LRP12: variants seen among roughly 807,000 people sequenced by gnomAD.
LRP12 encodes LDL receptor related protein 12.
LRP12 carries 14 observed loss-of-function variants against 66.0 expected under a neutral mutation model. That is an observed-to-expected ratio of 0.21 (90% CI 0.14 to 0.33). The LOEUF (loss-of-function observed/expected upper bound fraction) is 0.33. Among genes scored for constraint, LRP12 ranks in the 10% least tolerant of loss-of-function variants. The pLI is 1.00. For synonymous variants in LRP12, 357 were observed against 359.1 expected (o/e 0.99, Z 0.07); for missense variants, 889 against 1,053.4 (o/e 0.84, Z 2.16).
intron 1 of LRP12, among the ~76,000 whole-genome samples, chr8:104,545,761 C>T (rs1396147885): frequency 3.3e-5 from 5 of 152,068 alleles, no homozygotes; most frequent in Admixed American, 6.6e-5. Context: ...AAAAAATACA[C>T]GTGACTCACT....
Position 104,490,076 on chromosome 8 carries a change from C to T in LRP12, c.*597G>A, listed in dbSNP as rs1309858741. On this transcript the variant is annotated 3_prime_UTR_variant, in exon 7 of 7. Transcript: ENST00000276654. ...AGTTTTGTTTTTGCCAGTAATTTATCGAACTCTGCCTAAATTTCACATGAT... is the reference window on the plus strand; with the variant it reads ...AGTTTTGTTTTTGCCAGTAATTTATTGAACTCTGCCTAAATTTCACATGAT... 6.6e-6 allele frequency: 1 copy of T among 152,496 alleles called. No individual in the cohort carries two copies. Among genetic ancestry groups the T allele is most frequent in the Non-Finnish European group, 1.5e-5 (1 of 68,032 alleles). The allele number at this position is 152,496 out of a possible 1,614,324, so 9.4% of individuals were successfully genotyped here. A position where few individuals can be genotyped will look rare whatever the true frequency, so the allele number is the denominator to read the frequency against.
intron 2 of LRP12, among the ~76,000 whole-genome samples, chr8:104,520,146 C>G (rs868419326): frequency 7.2e-5 from 11 of 151,896 alleles, no homozygotes; most frequent in Non-Finnish European, 1.3e-4. Context: ...AACTAACTAG[C>G]CAGCTTCACC....
At chr8:104,558,696 C>T (rs1476435783) in intron 1 of LRP12, among the ~76,000 whole-genome samples, 1 of 151,886 alleles carries the variant, frequency 6.6e-6, no homozygotes, top group East Asian at 1.9e-4. Flanking sequence ...AAAATCTTCC[C>T]TAACTATGCA....
intron 1 of LRP12, among the ~76,000 whole-genome samples, chr8:104,577,711 G>A (rs1564149364): frequency 6.6e-6 from 1 of 151,452 alleles, no homozygotes; most frequent in African/African-American, 2.4e-5. Context: ...CTCGGGAGGG[G>A]GAGGCAGGGG....
chr8:104,521,502 T>C (rs1811151304), intron 2 of LRP12, among the ~76,000 whole-genome samples: 1 of 151,440 alleles, frequency 6.6e-6, no homozygotes, highest in South Asian at 2.1e-4. Context: ...TTAGTTTCAT[T>C]TCCAAAACTT....
At chr8:104,530,939 G>A (rs754219012) in intron 2 of LRP12, among the ~76,000 whole-genome samples, 5 of 152,046 alleles carry the variant, frequency 3.3e-5, no homozygotes, top group Non-Finnish European at 7.4e-5. Context: ...AGGCACTGAA[G>A]CACTTGCTTT....
intron 2 of LRP12, among the ~76,000 whole-genome samples, chr8:104,529,646 TAATCTGCATAACTCAGCA>T (rs61045786): frequency 9.2e-5 from 14 of 152,350 alleles, no homozygotes; most frequent in Non-Finnish European, 1.8e-4. Flanking sequence ...TACTCTGTAA[TAATCTGCATAACTCAGCA>T]AATCTGCATT....
chr8:104,536,913 A>T (rs1302690995), intron 1 of LRP12, among the ~76,000 whole-genome samples: 1 of 152,088 alleles, frequency 6.6e-6, no homozygotes, highest in African/African-American at 2.4e-5. Flanking sequence ...TATAAACAAT[A>T]GCCAGTTGGA....
chr8:104,519,220 C>T (rs1427542928), intron 2 of LRP12, among the ~76,000 whole-genome samples: 1 of 152,012 alleles, frequency 6.6e-6, no homozygotes, highest in African/African-American at 2.4e-5. Context: ...TCCTTGGCAC[C>T]TGAGCCAAGC....
intron 1 of LRP12, among the ~76,000 whole-genome samples, chr8:104,548,288 CATATATTTATATA>C (rs1811648544): frequency 1.6e-5 from 1 of 63,666 alleles, no homozygotes; most frequent in Non-Finnish European, 2.4e-5. Flanking sequence ...ATTAATATAT[CATATATTTATATA>C]ATATATATTA....
intron 6 of LRP12, 152 bp downstream of exon 6, chr8:104,494,925 A>G (rs529762952): frequency 1.3e-4 from 77 of 609,196 alleles, no homozygotes; most frequent in African/African-American, 1.2e-3. Flanking sequence ...GTAGTGTTAA[A>G]CTATAATGAA....
intron 1 of LRP12, among the ~76,000 whole-genome samples, chr8:104,541,353 T>C (rs780610343): frequency 2.0e-4 from 31 of 152,102 alleles, no homozygotes; most frequent in Non-Finnish European, 3.7e-4. Context: ...GCTCACAACA[T>C]AAACTGGAAA....
intron 1 of LRP12, among the ~76,000 whole-genome samples, chr8:104,545,309 T>C (rs956918846): frequency 8.5e-5 from 13 of 152,188 alleles, no homozygotes; most frequent in Admixed American, 3.9e-4. Flanking sequence ...GCTGTCAACA[T>C]TGTTGGAATG....
At position 104,510,961 on chromosome 8, in the gene LRP12, T is replaced by C. The variant is rs192479377; in HGVS notation, c.137-1887A>G. On this transcript the variant is annotated intron_variant, in intron 2 of 6. Coordinates refer to ENST00000276654, the MANE Select transcript of LRP12 (RefSeq NM_013437.5). ...CTCCCATGCTTTTTAAGTTCTGCTG[T>C]AGTTTAAAAATCAGGTAACCCAAGA... 2.2e-3 allele frequency among the ~76,000 whole-genome samples: 335 copies of C among 151,764 alleles called. 1 individual carries two copies. Among genetic ancestry groups the C allele is most frequent in the Non-Finnish European group, 4.0e-3 (272 of 67,960 alleles).
chr8:104,554,180 C>T (rs2140882686), intron 1 of LRP12, among the ~76,000 whole-genome samples: 1 of 152,124 alleles, frequency 6.6e-6, no homozygotes, highest in East Asian at 1.9e-4. Context: ...TAGAAAGAAC[C>T]AGAAAAAAAA....
chr8:104,558,048 A>G (rs574245084), intron 1 of LRP12, among the ~76,000 whole-genome samples: 1 of 152,226 alleles, frequency 6.6e-6, no homozygotes, highest in South Asian at 2.1e-4. Flanking sequence ...TGTCTCTACT[A>G]AATATACAAA....
intron 1 of LRP12, among the ~76,000 whole-genome samples, chr8:104,541,886 T>C: frequency 6.6e-6 from 1 of 152,170 alleles, no homozygotes; most frequent in African/African-American, 2.4e-5. Context: ...ATATATCACA[T>C]TTTGTTTACA....
rs1348355303 is a variant in LRP12, at chr8:104,547,980, ATATAATTGT to A, written c.80-16026_80-16018del. On this transcript the variant is annotated intron_variant, in intron 1 of 6. Transcript: ENST00000276654. Reference sequence around the variant, plus strand: ...ACCATTGTTATATTTTGTATATAATATATAATTGTTATATTTTGTATATAATATATAATT... The same window carrying A: ...ACCATTGTTATATTTTGTATATAATATATATTTTGTATATAATATATAATT... Among the ~76,000 whole-genome samples the A allele has an allele frequency of 5.8e-3, 696 of 119,416 alleles. 14 individuals carry two copies. The highest frequency in any genetic ancestry group is 6.8e-3 in the Non-Finnish European group (431 of 63,722). The allele number at this position is 119,416 out of a possible 152,430, so 78.3% of individuals were successfully genotyped here.
At chr8:104,570,533 C>G (rs1190694511) in intron 1 of LRP12, among the ~76,000 whole-genome samples, 2 of 152,162 alleles carry the variant, frequency 1.3e-5, no homozygotes, top group Non-Finnish European at 2.9e-5. Context: ...AAAGAATAAT[C>G]TTTTCAACAA....
Sources: gnomAD v4.1 joint callset for allele counts (sites outside exome capture counted in the v4.1 genomes callset) on GRCh38, gnomAD v4.1.1 for gene constraint, MANE v1.5 for transcripts, NCBI Gene and HGNC (gene_info 2026-07-23, HGNC 2026-07-21) for gene names.